CLIP2: variants seen among roughly 807,000 people sequenced by gnomAD.
CLIP2 encodes CAP-Gly domain-containing linker protein 2.
CLIP2 carries 41 observed loss-of-function variants against 111.7 expected under a neutral mutation model. The ratio of observed to expected loss-of-function variants is 0.37; its 90% CI spans 0.29 to 0.48. The LOEUF is 0.48. Among genes scored for constraint, CLIP2 ranks in the 20% least tolerant of loss-of-function variants. The pLI is 0.99. For missense variants in CLIP2, 1,160 were observed against 1,422.1 expected (o/e 0.82, Z 2.96); for synonymous variants, 660 against 644.2 (o/e 1.02, Z -0.37).
intron 1 of CLIP2, among the ~76,000 whole-genome samples, chr7:74,313,040 G>T (rs1554728718): frequency 1.3e-5 from 2 of 152,022 alleles, no homozygotes. Context: ...AAAAGGCCAG[G>T]TACAGTGGCA....
rs115710583 is a variant in CLIP2, at chr7:74,354,234, C to A, written c.803+230C>A. Among the ~76,000 whole-genome samples, 964 of 152,256 alleles carry A rather than the reference C, an allele frequency of 6.3e-3. 9 individuals are homozygous for A. The highest frequency in any genetic ancestry group is 0.022 in the African/African-American group (912 of 41,546). ...GCCAGGAGGTCATTGTTCAAGGTCGCACAGTCACAGGCAAGCGCCAAGAGA... is the reference window on the plus strand; with the variant it reads ...GCCAGGAGGTCATTGTTCAAGGTCGAACAGTCACAGGCAAGCGCCAAGAGA... On this transcript the variant is annotated intron_variant, in intron 4 of 16. Transcript: ENST00000223398.
chr7:74,330,628 G>A (rs1789253782), intron 2 of CLIP2, among the ~76,000 whole-genome samples: 1 of 152,064 alleles, frequency 6.6e-6, no homozygotes, highest in African/African-American at 2.4e-5. Context: ...ACCATGCCCT[G>A]TGCTGGATGT....
intron 13 of CLIP2, among the ~76,000 whole-genome samples, chr7:74,392,390 G>A (rs1791317195): frequency 6.6e-6 from 1 of 151,640 alleles, no homozygotes; most frequent in Non-Finnish European, 1.5e-5. Flanking sequence ...GAAAATAGCT[G>A]GGCGTGGAGC....
chr7:74,324,500 T>C (rs782577177), intron 2 of CLIP2, among the ~76,000 whole-genome samples: 1 of 151,930 alleles, frequency 6.6e-6, no homozygotes, highest in African/African-American at 2.4e-5. Flanking sequence ...AAGGACTGGG[T>C]GGTCGGACTG....
intron 16 of CLIP2, among the ~76,000 whole-genome samples, chr7:74,402,102 C>T (rs575989161): frequency 2.2e-4 from 34 of 151,828 alleles, no homozygotes; most frequent in Non-Finnish European, 3.8e-4. Context: ...ATCTGGCGGG[C>T]GGATCACAAG....
intron 2 of CLIP2, among the ~76,000 whole-genome samples, chr7:74,334,089 A>C (rs1046554389): frequency 1.3e-5 from 2 of 152,186 alleles, no homozygotes; most frequent in Admixed American, 6.5e-5. Flanking sequence ...TCATGGAGAA[A>C]CTGAGGCACA....
intron 2 of CLIP2, among the ~76,000 whole-genome samples, chr7:74,330,594 T>C (rs1348571989): frequency 6.6e-6 from 1 of 152,024 alleles, no homozygotes; most frequent in Non-Finnish European, 1.5e-5. Flanking sequence ...TTGTTCCCTA[T>C]TCCTCTTCCC....
rs945161736 is a variant in CLIP2 at position 74,400,420 on chromosome 7, G to C, written c.2931G>C (p.Arg977=). 3.0e-5 allele frequency: 48 copies of C among 1,613,866 alleles called. No individual in the cohort carries two copies. The highest frequency in any genetic ancestry group is 4.0e-5 in the Non-Finnish European group (47 of 1,179,906). ...AGAGGCGCTACTCCCTCATCGACCG[G>C]TCCTCGGCGCCCGAGCTTCTGCGGC... ...SDQRRYSLID[R]SSAPELLRLQ... Residue 977 remains arginine, a synonymous_variant, in exon 15 of 17, where the codon CGG becomes CGC. Coordinates refer to ENST00000223398, the MANE Select transcript of CLIP2 (RefSeq NM_003388.5).
chr7:74,302,446 C>T (rs1184885663), intron 1 of CLIP2, among the ~76,000 whole-genome samples: 1 of 152,130 alleles, frequency 6.6e-6, no homozygotes, highest in Non-Finnish European at 1.5e-5. Context: ...AACTCCTGAC[C>T]ACAGGTGTTC....
Position 74,404,901 on chromosome 7 carries a change from T to A in CLIP2, c.*1053T>A, listed in dbSNP as rs943596023. The A allele has an allele frequency of 3.3e-5, 5 of 152,200 alleles. No individual in the cohort carries two copies. The highest frequency in any genetic ancestry group is 2.0e-4 in the Admixed American group (3 of 15,264). 9.4% of individuals were successfully genotyped at this position (152,200 alleles called of 1,614,324 possible). A position where few individuals can be genotyped will look rare whatever the true frequency, so the allele number is the denominator to read the frequency against. ...GAGACACATACTTGGTTTCTGGGAC[T>A]GAGACCCAGGCCTGGCAGGACCGTG... On this transcript the variant is annotated 3_prime_UTR_variant, in exon 17 of 17. Transcript: ENST00000223398.
At chr7:74,298,308 C>T (rs1487991027) in intron 1 of CLIP2, among the ~76,000 whole-genome samples, 1 of 151,240 alleles carries the variant, frequency 6.6e-6, no homozygotes, top group Non-Finnish European at 1.5e-5. Flanking sequence ...GCCTCAGCCT[C>T]TCCAGTAGCT....
At chr7:74,328,238 A>T (rs1554730880) in intron 2 of CLIP2, among the ~76,000 whole-genome samples, 1 of 152,108 alleles carries the variant, frequency 6.6e-6, no homozygotes, top group Non-Finnish European at 1.5e-5. Context: ...TGCCGGAGGG[A>T]AAGTGGCCTC....
chr7:74,342,455 T>G (rs4717134), intron 3 of CLIP2, among the ~76,000 whole-genome samples: 2 of 151,914 alleles, frequency 1.3e-5, no homozygotes, highest in Non-Finnish European at 2.9e-5. Flanking sequence ...AAAGATCACA[T>G]CCCAGAGGCT....
chr7:74,366,224 A>G (rs1790467582), intron 8 of CLIP2, among the ~76,000 whole-genome samples: 1 of 151,588 alleles, frequency 6.6e-6, no homozygotes, highest in East Asian at 1.9e-4. Context: ...TCCTGTCCAC[A>G]CTGCCCCAAC....
At chr7:74,334,499 T>G (rs1554731783) in intron 2 of CLIP2, among the ~76,000 whole-genome samples, 1 of 152,090 alleles carries the variant, frequency 6.6e-6, no homozygotes, top group African/African-American at 2.4e-5. Context: ...TGGGTCACCT[T>G]CGACCTGGGG....
intron 8 of CLIP2, among the ~76,000 whole-genome samples, chr7:74,369,761 G>A (rs1392557022): frequency 1.0e-5 from 1 of 97,186 alleles, no homozygotes; most frequent in African/African-American, 3.9e-5. Context: ...GAAGGCTGAG[G>A]CAGGAGAATC....
chr7:74,394,566 ACCCGAGTTAAAGGAAT>A (rs1304066995), intron 13 of CLIP2, among the ~76,000 whole-genome samples: 2 of 152,008 alleles, frequency 1.3e-5, no homozygotes, highest in African/African-American at 4.8e-5. Context: ...TTGCATTTCA[ACCCGAGTTAAAGGAAT>A]CTCTTTGAAG....
At chr7:74,313,452 C>CG (rs1788692387) in intron 1 of CLIP2, among the ~76,000 whole-genome samples, 1 of 151,244 alleles carries the variant, frequency 6.6e-6, no homozygotes, top group Non-Finnish European at 1.5e-5. Flanking sequence ...CCCAGTTACT[C>CG]GGGAGGCTGA....
intron 3 of CLIP2, among the ~76,000 whole-genome samples, chr7:74,346,595 C>T (rs1370171529): frequency 2.0e-5 from 3 of 151,938 alleles, no homozygotes; most frequent in African/African-American, 2.4e-5. Context: ...TGGTGGCGCA[C>T]GCCTGTAATC....
Sources: gnomAD v4.1 joint callset for allele counts (sites outside exome capture counted in the v4.1 genomes callset) on GRCh38, gnomAD v4.1.1 for gene constraint, MANE v1.5 for transcripts, NCBI Gene and HGNC (gene_info 2026-07-23, HGNC 2026-07-21) for gene names.